The following NEDD9 variants were observed in gnomAD, a reference collection of about 807,000 sequenced individuals.
The protein encoded by NEDD9 is enhancer of filamentation 1.
A neutral mutation model predicts 76.6 loss-of-function variants in NEDD9; 26 were observed. The ratio of observed to expected loss-of-function variants is 0.34; its 90% confidence interval spans 0.25 to 0.47. The LOEUF (loss-of-function observed/expected upper bound fraction) is 0.47. NEDD9 is among the 20% of genes least tolerant of loss of function. The probability of loss-of-function intolerance (pLI) is 1.00; values close to 1 mark genes in which losing one functional copy is unlikely to be tolerated. For missense variants in NEDD9, 937 were observed against 1,058.5 expected, an observed-to-expected ratio of 0.89 and a Z score of 1.59; for synonymous variants, 392 against 414.2, an observed-to-expected ratio of 0.95 and a Z score of 0.65.
chr6:11,282,248 C>G (rs1760551902), intron 3 of NEDD9, among the ~76,000 whole-genome samples: 1 of 152,212 alleles, frequency 6.6e-6, no homozygotes, highest in Non-Finnish European at 1.5e-5. Flanking sequence ...TGCTCACTCC[C>G]TCCTTGGAGC....
intron 3 of NEDD9, among the ~76,000 whole-genome samples, chr6:11,302,020 C>G (rs1442207681): frequency 6.6e-6 from 1 of 151,888 alleles, no homozygotes; most frequent in African/African-American, 2.4e-5. Context: ...AAGATCAGAG[C>G]AGAACTGAAG....
intron 6 of NEDD9, among the ~76,000 whole-genome samples, chr6:11,187,458 C>T (rs1758007791): frequency 6.6e-6 from 1 of 152,168 alleles, no homozygotes; most frequent in East Asian, 1.9e-4. Flanking sequence ...TTGAATTCTG[C>T]TCTCCTACCT....
At chr6:11,332,016 T>C (rs899436497) in intron 2 of NEDD9, among the ~76,000 whole-genome samples, 3 of 152,220 alleles carry the variant, frequency 2.0e-5, no homozygotes, top group African/African-American at 7.2e-5. Flanking sequence ...ATGAAAAGCA[T>C]TGTCATTGGC....
At chr6:11,342,863 C>G (rs1324589368) in intron 1 of NEDD9, among the ~76,000 whole-genome samples, 1 of 152,184 alleles carries the variant, frequency 6.6e-6, no homozygotes, top group Non-Finnish European at 1.5e-5. Flanking sequence ...ATTCAAAAGA[C>G]TTAACATGCA....
At chr6:11,378,798 G>A (rs769284404) in intron 1 of NEDD9, among the ~76,000 whole-genome samples, 7 of 152,084 alleles carry the variant, frequency 4.6e-5, no homozygotes, top group South Asian at 2.1e-4. Context: ...AGACCTTCAC[G>A]AACCAGAGCT....
chr6:11,329,475 G>A (rs897270783), intron 2 of NEDD9, among the ~76,000 whole-genome samples: 4 of 152,102 alleles, frequency 2.6e-5, no homozygotes, highest in African/African-American at 9.7e-5. Context: ...GGGTTTTGAC[G>A]CACAGGACAA....
rs1758350817 is a variant in NEDD9, at chr6:11,198,713, G to C, written c.460-5021C>G. ...GCCTAGTACAGTGCCTAGCAGAGTA[G>C]GTCTTGCATAATCTATTGAGTGATA... On this transcript the variant is annotated intron_variant, in intron 2 of 6. Coordinates refer to ENST00000379446, the MANE Select transcript of NEDD9 (RefSeq NM_006403.4). The surrounding 1 kb of genome is among the most constrained non-coding windows in gnomAD (Gnocchi z 4.7). The C allele has an allele frequency of 6.6e-6, 1 of 152,182 alleles. No individual in the cohort carries two copies. The highest frequency in any genetic ancestry group is 1.5e-5 in the Non-Finnish European group (1 of 68,038). 9.4% of individuals were successfully genotyped at this position (152,182 alleles called of 1,614,324 possible).
intron 2 of NEDD9, among the ~76,000 whole-genome samples, chr6:11,308,879 T>A (rs949588616): frequency 2.6e-5 from 4 of 152,228 alleles, no homozygotes; most frequent in African/African-American, 9.6e-5. Flanking sequence ...TCAGATAATA[T>A]ACATTTTGAA....
chr6:11,258,336 TGGCTGGCTG>T (rs1430054969), intron 3 of NEDD9, among the ~76,000 whole-genome samples: 2 of 152,234 alleles, frequency 1.3e-5, no homozygotes, highest in African/African-American at 4.8e-5. Flanking sequence ...CCCAGCACCC[TGGCTGGCTG>T]GCTCTTCTAT....
Position 11,307,512 on chromosome 6 carries a change from A to G in NEDD9, c.-152-1357T>C, listed in dbSNP as rs145810551. ...TGCGTTTCCAGCGCCCTGTCTGTCT[A>G]TTGCTTCTTTAGGTACTCACACCTT... On this transcript the variant is annotated intron_variant, in intron 2 of 3. Transcript: ENST00000397378. Among the ~76,000 whole-genome samples the G allele has an allele frequency of 2.9e-3, 435 of 152,078 alleles. 5 individuals are homozygous for G. The highest frequency in any genetic ancestry group is 0.024 in the Middle Eastern group (7 of 294).
intron 3 of NEDD9, among the ~76,000 whole-genome samples, chr6:11,246,894 T>A (rs1361714143): frequency 6.6e-6 from 1 of 152,104 alleles, no homozygotes; most frequent in Non-Finnish European, 1.5e-5. Flanking sequence ...TTCAGACGCA[T>A]CAGAATGAAC....
At chr6:11,192,708 G>A (rs1758182017) in intron 3 of NEDD9, 2 of 328,816 alleles carry the variant, frequency 6.1e-6, no homozygotes, top group South Asian at 6.1e-5. Context: ...GCTGAGGTGG[G>A]CAGATCACAA....
chr6:11,233,423 C>A (rs775903980), upstream of NEDD9: 2 of 518,972 alleles, frequency 3.9e-6, no homozygotes, highest in East Asian at 1.1e-4. Context: ...TGTGACCTCT[C>A]GGATGGGGTT....
intron 2 of NEDD9, among the ~76,000 whole-genome samples, chr6:11,323,581 C>T (rs1041272511): frequency 6.6e-6 from 1 of 152,152 alleles, no homozygotes; most frequent in Non-Finnish European, 1.5e-5. Flanking sequence ...GCCAGAGAGG[C>T]TGCTAAACAT....
At chr6:11,356,407 C>T (rs553023525) in intron 1 of NEDD9, among the ~76,000 whole-genome samples, 30 of 152,330 alleles carry the variant, frequency 2.0e-4, no homozygotes, top group African/African-American at 7.2e-4. Flanking sequence ...ATAAATTATT[C>T]ACAAATGTCG....
chr6:11,297,332 G>A (rs1414564032), intron 3 of NEDD9, among the ~76,000 whole-genome samples: 4 of 152,240 alleles, frequency 2.6e-5, no homozygotes, highest in South Asian at 2.1e-4. Context: ...AGACCTCTCC[G>A]CCTTCCTCCT....
intron 1 of NEDD9, among the ~76,000 whole-genome samples, chr6:11,335,610 G>A (rs1046702174): frequency 6.6e-6 from 1 of 152,184 alleles, no homozygotes; most frequent in Non-Finnish European, 1.5e-5. Flanking sequence ...ACTTCTTCAA[G>A]CATCTCAACA....
chr6:11,203,932 G>C (rs1175166998), intron 2 of NEDD9, among the ~76,000 whole-genome samples: 1 of 151,562 alleles, frequency 6.6e-6, no homozygotes, highest in Admixed American at 6.6e-5. Flanking sequence ...AAAACTTAAG[G>C]GTCAAGTTGA....
intron 3 of NEDD9, among the ~76,000 whole-genome samples, chr6:11,303,650 A>G (rs1219138138): frequency 6.6e-6 from 1 of 152,174 alleles, no homozygotes; most frequent in Non-Finnish European, 1.5e-5. Flanking sequence ...CTCAGAAATA[A>G]CATCACACAT....
Sources: allele counts gnomAD v4.1 joint callset (sites outside exome capture counted in the v4.1 genomes callset), GRCh38; gene constraint gnomAD v4.1.1; non-coding constraint Gnocchi (gnomAD v3.1); transcripts MANE v1.5; gene names NCBI Gene and HGNC (gene_info 2026-07-23, HGNC 2026-07-21).